The following NOX3 variants were observed in gnomAD, a reference collection of about 807,000 sequenced individuals.
NOX3 encodes the protein NADPH oxidase catalytic subunit-like 3.
NOX3 carries 74 observed loss-of-function variants against 76.7 expected under a neutral mutation model. The observed-to-expected ratio is 0.96, with a 90% CI of 0.80 to 1.17. The LOEUF (loss-of-function observed/expected upper bound fraction) is 1.17. Ranked by LOEUF, NOX3 falls within the 50% of genes most tolerant of loss-of-function variation. The pLI, the probability that NOX3 is intolerant of heterozygous loss-of-function variation, is 0.00. For synonymous variants in NOX3, 263 were observed against 261.1 expected, an observed-to-expected ratio of 1.01 and a Z score of -0.07; for missense variants, 695 against 703.3, an observed-to-expected ratio of 0.99 and a Z score of 0.13.
intron 4 of NOX3, among the ~76,000 whole-genome samples, chr6:155,444,090 G>T (rs1455831557): frequency 3.3e-5 from 5 of 152,194 alleles, no homozygotes; most frequent in Non-Finnish European, 7.3e-5. Flanking sequence ...TACCAGGAGA[G>T]ATATTGTTTT....
At chr6:155,397,157 C>A (rs1779150558) in intron 12 of NOX3, among the ~76,000 whole-genome samples, 195 bp from the exon 13 acceptor site, 1 of 151,990 alleles carries the variant, frequency 6.6e-6, no homozygotes, top group Non-Finnish European at 1.5e-5. Context: ...CCAGCATCCT[C>A]CCCTAAATTA....
chr6:155,395,772 A>G (rs1779130550), intron 13 of NOX3, among the ~76,000 whole-genome samples, 198 bp from the exon 14 acceptor site: 1 of 152,194 alleles, frequency 6.6e-6, no homozygotes, highest in African/African-American at 2.4e-5. Flanking sequence ...ATAGCTGCAT[A>G]GTATAGAAAG....
intron 6 of NOX3, among the ~76,000 whole-genome samples, chr6:155,439,024 G>A (rs772050268): frequency 3.9e-5 from 6 of 152,152 alleles, no homozygotes; most frequent in South Asian, 2.1e-4. Context: ...AAAGACTGGC[G>A]TCCTGGATCT....
intron 10 of NOX3, among the ~76,000 whole-genome samples, chr6:155,419,022 A>T (rs1331227483): frequency 6.6e-6 from 1 of 152,272 alleles, no homozygotes; most frequent in Non-Finnish European, 1.5e-5. Flanking sequence ...ACTATAGTCC[A>T]GACTTAAAAT....
Position 155,443,306 on chromosome 6 carries a change from C to G in NOX3, c.453G>C (p.Glu151Asp). 1 of 1,614,064 alleles carries G rather than the reference C, an allele frequency of 6.2e-7. No individual in the cohort carries two copies. The highest frequency in any genetic ancestry group is 8.5e-7 in the Non-Finnish European group (1 of 1,179,966). Residue 151 changes from glutamate to aspartate, a missense_variant, in exon 5 of 14, where the codon GAG (glutamate) becomes GAC (aspartate). Glu to Asp is a conservative substitution (Grantham distance 45, BLOSUM62 2). Transcript: ENST00000159060. Reference sequence around the variant, plus strand: ...AGGTCCGGACAGGGTTGAGGTAGCTCTCGTTAGGGGTGTTGCCCAGCTTGG... The same window carrying G: ...AGGTCCGGACAGGGTTGAGGTAGCTGTCGTTAGGGGTGTTGCCCAGCTTGG... ...ALSKLGNTPN[E>D]SYLNPVRTFP... is the part of the protein sequence containing the mutation.
intron 12 of NOX3, among the ~76,000 whole-genome samples, chr6:155,401,741 T>C (rs944819642): frequency 6.6e-6 from 1 of 151,544 alleles, no homozygotes; most frequent in African/African-American, 2.4e-5. Context: ...GGTAGTACTC[T>C]TCTATTTTTT....
chr6:155,419,952 A>G (rs1776668471), intron 10 of NOX3, among the ~76,000 whole-genome samples: 1 of 152,128 alleles, frequency 6.6e-6, no homozygotes, highest in Admixed American at 6.6e-5. Context: ...TTCTTTTTGG[A>G]CATGTAGACA....
Position 155,419,289 on chromosome 6 carries a change from C to T in NOX3, c.1308+3405G>A, listed in dbSNP as rs534725645. 3.3e-5 allele frequency among the ~76,000 whole-genome samples: 5 copies of T among 152,348 alleles called. No individual in the cohort carries two copies. In the South Asian group the frequency reaches 8.3e-4, roughly 25 times the overall value. The stretch of plus-strand genomic sequence containing the variant: ...GGAATTGGATCTGAACTGTAATTTT[C>T]AGCCCAAACTTTCAATAGCATGAAA... On this transcript the variant is annotated intron_variant, in intron 10 of 13. Coordinates refer to ENST00000159060, the MANE Select transcript of NOX3 (RefSeq NM_015718.3).
intron 10 of NOX3, among the ~76,000 whole-genome samples, chr6:155,418,033 T>C (rs141177632): frequency 6.6e-6 from 1 of 152,368 alleles, no homozygotes; most frequent in Non-Finnish European, 1.5e-5. Flanking sequence ...AGACTACATA[T>C]GCAGTTAAGA....
intron 9 of NOX3, 61 bp from the exon 10 acceptor site, chr6:155,422,917 A>G: frequency 6.4e-7 from 1 of 1,556,144 alleles, no homozygotes; most frequent in Non-Finnish European, 8.8e-7. Context: ...GTGAACCCAG[A>G]ACCATCCGGA....
chr6:155,421,160 C>G (rs1005257087), intron 10 of NOX3, among the ~76,000 whole-genome samples: 1 of 152,128 alleles, frequency 6.6e-6, no homozygotes, highest in African/African-American at 2.4e-5. Context: ...GTCACGTCTA[C>G]CATGTGTTGG....
intron 4 of NOX3, among the ~76,000 whole-genome samples, chr6:155,448,251 A>T (rs1298203273): frequency 6.6e-6 from 1 of 152,146 alleles, no homozygotes; most frequent in Non-Finnish European, 1.5e-5. Context: ...CATATTTATC[A>T]TCTAAAAGGG....
chr6:155,411,381 T>A (rs765870346), intron 10 of NOX3, 21 bp from the exon 11 acceptor site: 2 of 1,607,758 alleles, frequency 1.2e-6, no homozygotes, highest in Non-Finnish European at 1.7e-6. Context: ...AGAAGGCAAG[T>A]GAACGGATCT....
In NOX3 at chr6:155,418,159, C is replaced by T. The variant is rs1046412606; in HGVS notation, c.1308+4535G>A. ...TTTATGTCAGCAATCCTCCCCCTCC[C>T]TCCCCATTCATACACACCTATTTCA... On this transcript the variant is annotated intron_variant, in intron 10 of 13. Transcript: ENST00000159060. 5.3e-5 allele frequency among the ~76,000 whole-genome samples: 8 copies of T among 152,160 alleles called. 1 individual carries two copies. The highest frequency in any genetic ancestry group is 8.8e-5 in the Non-Finnish European group (6 of 68,030).
At chr6:155,447,533 G>A (rs1239103981) in intron 4 of NOX3, among the ~76,000 whole-genome samples, 1 of 152,192 alleles carries the variant, frequency 6.6e-6, no homozygotes, top group Non-Finnish European at 1.5e-5. Flanking sequence ...ACTAATGAAG[G>A]AGTACGAGAA....
At chr6:155,428,673 GAC>G (rs1776790225) in intron 9 of NOX3, 119 bp downstream of exon 9, 1 of 876,188 alleles carries the variant, frequency 1.1e-6, no homozygotes, top group Non-Finnish European at 1.6e-6. Flanking sequence ...CTCAAATTTA[GAC>G]ACAGTCTCAA....
intron 1 of NOX3, among the ~76,000 whole-genome samples, chr6:155,455,467 A>G (rs1012937586): frequency 6.6e-6 from 1 of 152,250 alleles, no homozygotes; most frequent in African/African-American, 2.4e-5. Flanking sequence ...TTCCAATTTC[A>G]TAGTCTAATT....
rs1779145596 is a variant in NOX3, at chr6:155,396,852, T to C, written c.1691A>G (p.Asn564Ser). The C allele has an allele frequency of 6.2e-7, 1 of 1,611,562 alleles. No individual in the cohort carries two copies. The highest frequency in any genetic ancestry group is 1.7e-5 in the Admixed American group (1 of 59,854). ...CTCCAAAGTCTAGAAGCTCTCCTTGTTGTAATAGAAATGAACACCTCTGGG... is the reference window on the plus strand; with the variant it reads ...CTCCAAAGTCTAGAAGCTCTCCTTGCTGTAATAGAAATGAACACCTCTGGG... ...ADPRGVHFYY[N>S]KESF Residue 564 changes from asparagine (N) to serine (S), a missense_variant, in exon 13 of 14, where the codon AAC (asparagine) becomes AGC (serine). By Grantham distance (46) the Asn-to-Ser change is conservative. Coordinates refer to ENST00000159060, the MANE Select transcript of NOX3 (RefSeq NM_015718.3).
intron 7 of NOX3, among the ~76,000 whole-genome samples, chr6:155,431,830 A>C (rs914254309): frequency 1.3e-5 from 2 of 152,212 alleles, no homozygotes; most frequent in Admixed American, 6.5e-5. Flanking sequence ...TAAAGGGACG[A>C]AGGTGTTTCG....
Sources: gnomAD v4.1 joint callset for allele counts (sites outside exome capture counted in the v4.1 genomes callset) on GRCh38, gnomAD v4.1.1 for gene constraint, MANE v1.5 for transcripts, NCBI Gene and HGNC (gene_info 2026-07-23, HGNC 2026-07-21) for gene names.